Variants in KAT6A observed in about 807,000 individuals in gnomAD.
KAT6A encodes the protein histone acetyltransferase KAT6A.
Under a neutral mutation model 198.4 loss-of-function variants are expected in KAT6A, and 9 were observed. The observed-to-expected ratio is 0.05, with a 90% CI of 0.03 to 0.08. KAT6A has a LOEUF of 0.08. Among genes scored for constraint, KAT6A ranks in the 10% least tolerant of loss-of-function variants. The pLI is 1.00. For missense variants in KAT6A, 2,077 were observed against 2,509.9 expected, an observed-to-expected ratio of 0.83 and a Z score of 3.69; for synonymous variants, 890 against 883.0, an observed-to-expected ratio of 1.01 and a Z score of -0.14.
intron 8 of KAT6A, among the ~76,000 whole-genome samples, chr8:41,970,416 G>A (rs879164195): frequency 5.3e-5 from 8 of 152,276 alleles, no homozygotes; most frequent in Admixed American, 3.9e-4. Context: ...AGCCTCAGCA[G>A]GGCTCAGCAA....
chr8:41,978,797 CA>C lies in KAT6A; in HGVS notation c.908-21del. On this transcript the variant is annotated intron_variant, in intron 5 of 16. Coordinates refer to ENST00000265713, the MANE Select transcript of KAT6A (RefSeq NM_006766.5). The stretch of plus-strand genomic sequence containing the variant: ...ACATGCCTATAAAAAAATAAAATTC[CA>C]CATAGAAGTGTGACAGACATAAATA... The C allele has an allele frequency of 1.2e-6, 2 of 1,609,608 alleles. No individual in the cohort carries two copies. The highest frequency in any genetic ancestry group is 1.7e-6 in the Non-Finnish European group (2 of 1,177,512).
intron 9 of KAT6A, among the ~76,000 whole-genome samples, chr8:41,951,692 C>T (rs540582661): frequency 6.6e-6 from 1 of 152,294 alleles, no homozygotes; most frequent in African/African-American, 2.4e-5. Flanking sequence ...TGCAGCTGGG[C>T]ATGCTTCTCT....
chr8:41,939,510 A>C (rs948786777), intron 15 of KAT6A, among the ~76,000 whole-genome samples: 1 of 152,226 alleles, frequency 6.6e-6, no homozygotes, highest in Non-Finnish European at 1.5e-5. Flanking sequence ...AGCTAGGATT[A>C]CAAGAGTGAC....
intron 8 of KAT6A, chr8:41,956,982 C>G: frequency 2.0e-6 from 1 of 501,464 alleles, no homozygotes; most frequent in Non-Finnish European, 4.1e-6. Flanking sequence ...TAACTAAATA[C>G]CAGAAACCAG....
chr8:41,966,936 AG>A (rs1468654596), intron 8 of KAT6A, among the ~76,000 whole-genome samples: 1 of 152,194 alleles, frequency 6.6e-6, no homozygotes, highest in Non-Finnish European at 1.5e-5. Flanking sequence ...CTGAACTAAT[AG>A]TGTTGGTTTC....
intron 3 of KAT6A, among the ~76,000 whole-genome samples, chr8:41,984,774 C>G (rs561259625): frequency 1.3e-5 from 2 of 152,070 alleles, no homozygotes; most frequent in African/African-American, 2.4e-5. Context: ...GTCAGGAGAT[C>G]GAGACCATCC....
At chr8:41,981,452 G>A (rs1824353221) in intron 4 of KAT6A, among the ~76,000 whole-genome samples, 1 of 152,182 alleles carries the variant, frequency 6.6e-6, no homozygotes, top group African/African-American at 2.4e-5. Context: ...AGTTTCATTA[G>A]TTTCAAGTAT....
At chr8:41,971,715 G>A (rs920748181) in intron 8 of KAT6A, among the ~76,000 whole-genome samples, 1 of 151,758 alleles carries the variant, frequency 6.6e-6, no homozygotes, top group Non-Finnish European at 1.5e-5. Flanking sequence ...TACCCTGGCC[G>A]CTGTATGAAG....
intron 8 of KAT6A, among the ~76,000 whole-genome samples, chr8:41,969,031 C>A (rs1255848574): frequency 6.6e-6 from 1 of 152,170 alleles, no homozygotes; most frequent in Non-Finnish European, 1.5e-5. Context: ...ATAGTCCCTT[C>A]CAGACTATAA....
intron 2 of KAT6A, among the ~76,000 whole-genome samples, chr8:42,021,962 T>C (rs1212189706): frequency 6.6e-6 from 1 of 152,096 alleles, no homozygotes; most frequent in Non-Finnish European, 1.5e-5. Context: ...CAGTTAATAC[T>C]TTTAATTATT....
Position 42,048,425 on chromosome 8 carries a change from G to C in KAT6A, c.553C>G (p.Leu185Val), listed in dbSNP as rs1428954859. 1.6e-5 allele frequency: 26 copies of C among 1,613,962 alleles called. No individual in the cohort carries two copies. The highest frequency in any genetic ancestry group is 2.0e-5 in the Non-Finnish European group (24 of 1,179,864). The change falls in exon 2 of 17, where the codon CTT (leucine) becomes GTT (valine). Residue 185 changes from leucine (L) to valine (V), a missense_variant. Leu to Val is a conservative substitution (Grantham distance 32). Coordinates refer to ENST00000265713, the MANE Select transcript of KAT6A (RefSeq NM_006766.5). ...AGGGACACTGGAGGTAAACAGGAAA[G>C]AGACTCACAACTCTCTTTCCCATCC... The part of the protein sequence containing the change: ...NVDGKESCES[L>V]SCLPPVSLLP...
chr8:41,999,795 C>T (rs1398756248), intron 2 of KAT6A, among the ~76,000 whole-genome samples: 2 of 152,202 alleles, frequency 1.3e-5, no homozygotes, highest in African/African-American at 2.4e-5. Context: ...TAGAAACAAA[C>T]TGGGTTCTGC....
chr8:41,957,155 T>A (rs771071107), intron 8 of KAT6A: 1 of 597,048 alleles, frequency 1.7e-6, no homozygotes, highest in East Asian at 3.6e-5. Flanking sequence ...GTACAGCTGT[T>A]TGCACATCAC....
intron 8 of KAT6A, among the ~76,000 whole-genome samples, chr8:41,959,939 G>A (rs868129224): frequency 6.6e-6 from 1 of 151,288 alleles, no homozygotes; most frequent in Admixed American, 6.6e-5. Flanking sequence ...CTGGGCAACA[G>A]TGCAAGACTC....
At chr8:42,043,508 G>T (rs545466701) in intron 2 of KAT6A, 1 of 151,992 alleles carries the variant, frequency 6.6e-6, no homozygotes, top group South Asian at 2.1e-4. Context: ...TTTTTTAATG[G>T]ACCTCAGATA....
chr8:42,016,599 A>G (rs1274962649), intron 2 of KAT6A, among the ~76,000 whole-genome samples: 2 of 152,220 alleles, frequency 1.3e-5, no homozygotes, highest in Non-Finnish European at 2.9e-5. Context: ...TGTAATATCC[A>G]TAAAATAAGG....
chr8:41,951,423 AG>A (rs1822663434), intron 9 of KAT6A, among the ~76,000 whole-genome samples: 1 of 152,236 alleles, frequency 6.6e-6, no homozygotes, highest in Admixed American at 6.5e-5. Context: ...CAGAAAAAAA[AG>A]ATCTATCATA....
rs144500031 is a variant in KAT6A, at chr8:42,020,028, T to C, written c.600+28350A>G. Among the ~76,000 whole-genome samples the C allele has an allele frequency of 5.3e-3, 815 of 152,338 alleles. 8 individuals are homozygous for C. Among genetic ancestry groups the C allele is most frequent in the African/African-American group, 0.019 (787 of 41,588 alleles). ...TATTCAAATGCAAATGAATCAGTGATGCAGTGATGTTATCAATGTAATTAC... is the reference window on the plus strand; with the variant it reads ...TATTCAAATGCAAATGAATCAGTGACGCAGTGATGTTATCAATGTAATTAC... On this transcript the variant is annotated intron_variant, in intron 2 of 16. Transcript: ENST00000265713.
At chr8:41,975,615 A>G (rs1824013229) in intron 7 of KAT6A, among the ~76,000 whole-genome samples, 1 of 152,206 alleles carries the variant, frequency 6.6e-6, no homozygotes, top group Non-Finnish European at 1.5e-5. Flanking sequence ...TCAAACTGGA[A>G]GAAAAAAGTA....
Sources: allele counts gnomAD v4.1 joint callset (sites outside exome capture counted in the v4.1 genomes callset), GRCh38; gene constraint gnomAD v4.1.1; transcripts MANE v1.5; gene names NCBI Gene and HGNC (gene_info 2026-07-23, HGNC 2026-07-21).